Variants in NFIA observed in about 807,000 individuals in gnomAD.
NFIA encodes the protein nuclear factor I A.
A neutral mutation model predicts 62.8 loss-of-function variants in NFIA; 8 were observed. The observed-to-expected ratio is 0.13, with a 90% CI of 0.07 to 0.23. NFIA has a LOEUF of 0.23. Ranked by LOEUF, NFIA falls within the 10% of genes least tolerant of loss-of-function variation. The pLI is 1.00. For missense variants in NFIA, 410 were observed against 642.1 expected (o/e 0.64, Z 3.91); for synonymous variants, 235 against 238.1 (o/e 0.99, Z 0.12).
intron 3 of NFIA, among the ~76,000 whole-genome samples, chr1:61,294,790 G>A (rs1477039034): frequency 2.6e-5 from 4 of 152,186 alleles, no homozygotes; most frequent in African/African-American, 9.7e-5. Flanking sequence ...CTGGTGCAGT[G>A]TGTGCAGTGT....
intron 4 of NFIA, 53 bp from the exon 5 acceptor site, chr1:61,352,397 G>T: frequency 7.7e-7 from 1 of 1,305,736 alleles, no homozygotes; most frequent in South Asian, 1.2e-5. Context: ...TGCTGTCATT[G>T]ATTTTTTTAT....
intron 10 of NFIA, among the ~76,000 whole-genome samples, chr1:61,452,486 G>T (rs1341131673): frequency 2.6e-5 from 4 of 152,060 alleles, no homozygotes; most frequent in African/African-American, 9.7e-5. Flanking sequence ...AATAGGTTTT[G>T]GTTTGGGCCT....
At chr1:61,185,315 A>T (rs547847130) in intron 2 of NFIA, among the ~76,000 whole-genome samples, 9 of 152,318 alleles carry the variant, frequency 5.9e-5, no homozygotes, top group African/African-American at 2.2e-4. Flanking sequence ...CAACTGGAAT[A>T]AGTATAAAAT....
chr1:61,218,702 C>A (rs969263105), intron 2 of NFIA, among the ~76,000 whole-genome samples: 53 of 152,104 alleles, frequency 3.5e-4, no homozygotes, highest in Non-Finnish European at 8.8e-5. Context: ...ATTATGTATT[C>A]TTCTACAGAA....
At chr1:61,402,124 G>A (rs747972597) in intron 7 of NFIA, among the ~76,000 whole-genome samples, 24 of 131,528 alleles carry the variant, frequency 1.8e-4, no homozygotes, top group Non-Finnish European at 2.8e-4. Flanking sequence ...TGCAAGATCC[G>A]CCTCCCAGGT....
chr1:61,379,255 A>T (rs1392679476), intron 6 of NFIA, among the ~76,000 whole-genome samples: 2 of 151,928 alleles, frequency 1.3e-5, no homozygotes. Context: ...TTTTCAAGAT[A>T]AGGTCTCTCT....
At chr1:61,439,907 A>G (rs899298048) in intron 10 of NFIA, among the ~76,000 whole-genome samples, 2 of 152,216 alleles carry the variant, frequency 1.3e-5, no homozygotes, top group African/African-American at 4.8e-5. Flanking sequence ...TTAAGTGCAC[A>G]TCTTTGAAAG....
chr1:61,160,494 T>A (rs1158332643), intron 2 of NFIA, among the ~76,000 whole-genome samples: 1 of 152,212 alleles, frequency 6.6e-6, no homozygotes, highest in Non-Finnish European at 1.5e-5. Flanking sequence ...AGAGAGCCTA[T>A]CTGTGTGATC....
upstream of NFIA, chr1:61,082,055 G>A: frequency 6.5e-7 from 1 of 1,546,558 alleles, no homozygotes; most frequent in Non-Finnish European, 8.7e-7. Flanking sequence ...GAGGTCCGCG[G>A]AGGTCTGCAG....
At chr1:61,147,574 A>T (rs558893473) in intron 2 of NFIA, among the ~76,000 whole-genome samples, 1 of 152,366 alleles carries the variant, frequency 6.6e-6, no homozygotes, top group South Asian at 2.1e-4. Flanking sequence ...TAAAAATTTT[A>T]AATTAGAATC....
chr1:61,125,038 G>A (rs867422629), intron 2 of NFIA: 2 of 152,206 alleles, frequency 1.3e-5, no homozygotes, highest in Admixed American at 6.5e-5. Context: ...AGGAGGCATG[G>A]AACCTGGGAC....
chr1:61,182,696 T>A (rs1650836826), intron 2 of NFIA, among the ~76,000 whole-genome samples: 1 of 152,236 alleles, frequency 6.6e-6, no homozygotes, highest in South Asian at 2.1e-4. Context: ...ATCAAAAAAA[T>A]TACTTAAAAT....
At chr1:61,187,466 G>A (rs921392634) in intron 2 of NFIA, among the ~76,000 whole-genome samples, 1 of 152,230 alleles carries the variant, frequency 6.6e-6, no homozygotes, top group Non-Finnish European at 1.5e-5. Flanking sequence ...CGATGCATCT[G>A]TGAGGCAGTT....
At chr1:61,365,455 A>G (rs927003613) in intron 6 of NFIA, among the ~76,000 whole-genome samples, 2 of 152,150 alleles carry the variant, frequency 1.3e-5, no homozygotes, top group Non-Finnish European at 2.9e-5. Context: ...AATCTAGCCT[A>G]TTTTCAAATA....
At chr1:61,405,732 C>CT (rs1267263818) in intron 8 of NFIA, among the ~76,000 whole-genome samples, 2 of 152,090 alleles carry the variant, frequency 1.3e-5, no homozygotes, top group Non-Finnish European at 2.9e-5. Context: ...TTTTATAGGA[C>CT]TTAAGGCAGG....
At chr1:61,330,091 G>A (rs1486776358) in intron 3 of NFIA, among the ~76,000 whole-genome samples, 2 of 152,304 alleles carry the variant, frequency 1.3e-5, no homozygotes, top group East Asian at 3.9e-4. Context: ...GAATTCAAAA[G>A]AGTAAGAACG....
chr1:61,249,317 A>G (rs182453751), intron 2 of NFIA, among the ~76,000 whole-genome samples: 36 of 152,368 alleles, frequency 2.4e-4, no homozygotes, highest in African/African-American at 8.2e-4. Flanking sequence ...TAATTTCTAC[A>G]AATCAAAAAC....
chr1:61,263,035 A>G (rs1374103038), intron 2 of NFIA, among the ~76,000 whole-genome samples: 2 of 152,188 alleles, frequency 1.3e-5, no homozygotes, highest in Non-Finnish European at 2.9e-5. Flanking sequence ...TTCCCATCTC[A>G]TTTGAAGAGT....
intron 2 of NFIA, among the ~76,000 whole-genome samples, chr1:61,205,203 C>T (rs543577888): frequency 6.6e-6 from 1 of 152,124 alleles, no homozygotes; most frequent in Non-Finnish European, 1.5e-5. Context: ...TATAGAAATG[C>T]GTTTTGAACC....
Sources: gnomAD v4.1 joint callset for allele counts (sites outside exome capture counted in the v4.1 genomes callset) on GRCh38, gnomAD v4.1.1 for gene constraint, MANE v1.5 for transcripts, NCBI Gene and HGNC (gene_info 2026-07-23, HGNC 2026-07-21) for gene names.